The following GRK5 variants were observed in gnomAD, a reference collection of about 807,000 sequenced individuals.
GRK5 encodes the protein G protein-coupled receptor kinase 5.
GRK5 carries 40 observed loss-of-function variants against 78.4 expected under a neutral mutation model. The ratio of observed to expected loss-of-function variants is 0.51; its 90% CI spans 0.40 to 0.66. The LOEUF is 0.66. Ranked by LOEUF, GRK5 falls within the 30% of genes least tolerant of loss-of-function variation. The pLI is 0.00. For missense variants in GRK5, 598 were observed against 759.9 expected (o/e 0.79, Z 2.50); for synonymous variants, 289 against 296.8 (o/e 0.97, Z 0.27).
intron 4 of GRK5, among the ~76,000 whole-genome samples, chr10:119,408,363 A>AAT (rs1554918541): frequency 0.058 from 8,147 of 141,594 alleles, 391 homozygotes; most frequent in East Asian, 0.18. Context: ...AAAAAAAAAA[A>AAT]GGCAGAAAAC....
intron 1 of GRK5, among the ~76,000 whole-genome samples, chr10:119,219,993 G>A (rs1848634318): frequency 1.3e-5 from 2 of 152,206 alleles, no homozygotes; most frequent in African/African-American, 2.4e-5. Context: ...CCTAGGGATG[G>A]CTGATGACCT....
At chr10:119,402,868 A>T (rs1852172209) in intron 4 of GRK5, among the ~76,000 whole-genome samples, 1 of 152,166 alleles carries the variant, frequency 6.6e-6, no homozygotes, top group African/African-American at 2.4e-5. Context: ...CAAAAAACAA[A>T]ACAAAACAAA....
At chr10:119,339,032 G>A (rs1371585490) in intron 2 of GRK5, among the ~76,000 whole-genome samples, 1 of 152,208 alleles carries the variant, frequency 6.6e-6, no homozygotes, top group Non-Finnish European at 1.5e-5. Context: ...GTACAGTGCT[G>A]TTTGCTTCCT....
intron 1 of GRK5, among the ~76,000 whole-genome samples, chr10:119,254,597 G>A (rs760759757): frequency 5.9e-5 from 9 of 152,014 alleles, no homozygotes; most frequent in Admixed American, 1.3e-4. Context: ...GATGGCTGGG[G>A]CACGGAGGAT....
At chr10:119,348,102 A>G (rs920981508) in intron 2 of GRK5, among the ~76,000 whole-genome samples, 8 of 152,204 alleles carry the variant, frequency 5.3e-5, no homozygotes, top group Non-Finnish European at 4.4e-5. Context: ...GTGGCTGCAC[A>G]CCGTAGGTGC....
At chr10:119,399,416 A>T (rs752401129) in intron 4 of GRK5, among the ~76,000 whole-genome samples, 5 of 152,200 alleles carry the variant, frequency 3.3e-5, no homozygotes, top group Admixed American at 6.5e-5. Flanking sequence ...AGGCCCCAGC[A>T]CTGGCTCAGA....
At chr10:119,414,792 G>A (rs974761066) in intron 4 of GRK5, among the ~76,000 whole-genome samples, 1 of 152,080 alleles carries the variant, frequency 6.6e-6, no homozygotes, top group African/African-American at 2.4e-5. Flanking sequence ...TCAAGAAAAG[G>A]CAATGATGGC....
At chr10:119,442,156 C>CCAGAGCCTGCCCG in intron 11 of GRK5, 68 bp downstream of exon 11, 1 of 1,256,944 alleles carries the variant, frequency 8.0e-7, no homozygotes. Context: ...GGCCGAGCCC[C>CCAGAGCCTGCCCG]CAGAGCCTGC....
At chr10:119,237,126 G>C (rs1056753575) in intron 1 of GRK5, among the ~76,000 whole-genome samples, 3 of 145,330 alleles carry the variant, frequency 2.1e-5, no homozygotes, top group African/African-American at 7.6e-5. Flanking sequence ...GCAGCCGCGC[G>C]ATCTTGGCTT....
rs74157638 is a variant in GRK5, at chr10:119,218,407, C to G, written c.52+10438C>G. Among the ~76,000 whole-genome samples, 1,505 of 152,274 alleles carry G rather than the reference C, an allele frequency of 9.9e-3. 21 individuals are homozygous for G. Among genetic ancestry groups the G allele is most frequent in the African/African-American group, 0.034 (1,429 of 41,552 alleles). ...TTGCTCTGCAAGTCTGATAAAAAGT[C>G]TTGTGAAACCTCATTTGAAAATGGA... is the stretch of plus-strand genomic sequence containing the variant. On this transcript the variant is annotated intron_variant, in intron 1 of 15. Coordinates refer to ENST00000392870, the MANE Select transcript of GRK5 (RefSeq NM_005308.3).
chr10:119,362,334 C>G, intron 2 of GRK5, among the ~76,000 whole-genome samples: 1 of 152,224 alleles, frequency 6.6e-6, no homozygotes, highest in East Asian at 1.9e-4. Context: ...TGGGGAACCC[C>G]AGGACACTTG....
At chr10:119,387,037 C>T (rs906985864) in intron 3 of GRK5, among the ~76,000 whole-genome samples, 1 of 152,002 alleles carries the variant, frequency 6.6e-6, no homozygotes, top group Non-Finnish European at 1.5e-5. Context: ...CAGAGTCTCA[C>T]TGTGTTGCCC....
intron 2 of GRK5, among the ~76,000 whole-genome samples, chr10:119,341,363 G>A (rs899714801): frequency 2.6e-5 from 4 of 152,184 alleles, no homozygotes; most frequent in Non-Finnish European, 5.9e-5. Context: ...CTCCGCCCTT[G>A]CTGACTGCTT....
At chr10:119,216,141 C>T (rs996579533) in intron 1 of GRK5, among the ~76,000 whole-genome samples, 4 of 152,212 alleles carry the variant, frequency 2.6e-5, no homozygotes, top group Non-Finnish European at 5.9e-5. Context: ...TGCTTGTTCC[C>T]TGGTGTCCGA....
chr10:119,431,509 G>T lies in GRK5; in HGVS notation c.720G>T (p.Lys240Asn). ...TCAATGAGAAGCAGATCCTCGAGAAGGTCAACAGTCAGTTTGTGGTGAGTG... is the reference window on the plus strand; with the variant it reads ...TCAATGAGAAGCAGATCCTCGAGAATGTCAACAGTCAGTTTGTGGTGAGTG... ...MALNEKQILE[K>N]VNSQFVVNLA... The change falls in exon 8 of 16, where the codon AAG (lysine) becomes AAT (asparagine). Residue 240 changes from lysine (K) to asparagine (N), a missense_variant. Transcript: ENST00000392870. The surrounding 1 kb of genome is among the most constrained non-coding windows in gnomAD (Gnocchi z 4.8). The T allele has an allele frequency of 6.2e-7, 1 of 1,613,764 alleles. No individual in the cohort carries two copies. Among genetic ancestry groups the T allele is most frequent in the South Asian group, 1.1e-5 (1 of 91,022 alleles).
chr10:119,366,365 G>C (rs1056266036), intron 2 of GRK5, among the ~76,000 whole-genome samples: 1 of 151,960 alleles, frequency 6.6e-6, no homozygotes, highest in Non-Finnish European at 1.5e-5. Flanking sequence ...AGGGGGTGGC[G>C]GAGGAGAGAG....
chr10:119,245,359 G>A (rs1260280383), intron 1 of GRK5, among the ~76,000 whole-genome samples: 1 of 152,126 alleles, frequency 6.6e-6, no homozygotes, highest in African/African-American at 2.4e-5. Flanking sequence ...TAATAGCCGA[G>A]AGGTGGAAAC....
chr10:119,361,045 A>G (rs372617590), intron 2 of GRK5, among the ~76,000 whole-genome samples: 5 of 152,262 alleles, frequency 3.3e-5, no homozygotes, highest in African/African-American at 1.2e-4. Context: ...CCCTGGGAGT[A>G]CTGTGGGCTT....
chr10:119,285,410 T>C (rs1199008134), intron 1 of GRK5, among the ~76,000 whole-genome samples: 1 of 152,020 alleles, frequency 6.6e-6, no homozygotes, highest in Non-Finnish European at 1.5e-5. Flanking sequence ...GGGGCAGAGA[T>C]TGGAGGAATC....
Sources: allele counts gnomAD v4.1 joint callset (sites outside exome capture counted in the v4.1 genomes callset), GRCh38; gene constraint gnomAD v4.1.1; non-coding constraint Gnocchi (gnomAD v3.1); transcripts MANE v1.5; gene names NCBI Gene and HGNC (gene_info 2026-07-23, HGNC 2026-07-21).